RAP1GAP2: variants seen among roughly 807,000 people sequenced by gnomAD.
RAP1GAP2 encodes RAP1 GTPase activating protein 2.
RAP1GAP2 carries 27 observed loss-of-function variants against 95.0 expected under a neutral mutation model. The ratio of observed to expected loss-of-function variants is 0.28; its 90% CI spans 0.21 to 0.39. The LOEUF (loss-of-function observed/expected upper bound fraction) is 0.39, where lower values mean the gene tolerates loss of function less well. Among genes scored for constraint, RAP1GAP2 ranks in the 10% least tolerant of loss-of-function variants. The pLI is 1.00. For synonymous variants in RAP1GAP2, 373 were observed against 380.9 expected, an observed-to-expected ratio of 0.98 and a Z score of 0.24; for missense variants, 771 against 970.0, an observed-to-expected ratio of 0.79 and a Z score of 2.72.
intron 3 of RAP1GAP2, among the ~76,000 whole-genome samples, chr17:2,938,702 T>A (rs1045337753): frequency 6.6e-6 from 1 of 152,112 alleles, no homozygotes; most frequent in Non-Finnish European, 1.5e-5. Flanking sequence ...AAAATAAATA[T>A]CTGGCTGGGT....
chr17:2,891,443 T>G (rs2073712296), intron 2 of RAP1GAP2, among the ~76,000 whole-genome samples: 1 of 152,010 alleles, frequency 6.6e-6, no homozygotes, highest in South Asian at 2.1e-4. Flanking sequence ...ACCTGGCCTA[T>G]TTTTCTACTT....
chr17:2,889,889 A>ATATATATATATTTTTTTTT (rs1408426152), intron 2 of RAP1GAP2, among the ~76,000 whole-genome samples: 1 of 57,324 alleles, frequency 1.7e-5, no homozygotes, highest in African/African-American at 7.2e-5. Context: ...ATATATATAT[A>ATATATATATATTTTTTTTT]TTTTTTTTTT....
rs556614009 is a variant in RAP1GAP2, at chr17:2,790,921, C to T, written c.-13-9594C>T. On this transcript the variant is annotated intron_variant, in intron 1 of 24. Coordinates refer to the RAP1GAP2 transcript ENST00000540393. ...GCCTCAAAAGCCCGTAGAGGCCGGG[C>T]GCTGCGAGCGCCGTGGCTCACGCCT... Among the ~76,000 whole-genome samples, 7 of 152,312 alleles carry T rather than the reference C, an allele frequency of 4.6e-5. No individual in the cohort carries two copies. In the South Asian group the frequency reaches 6.2e-4, roughly 14 times the overall value.
chr17:2,838,564 A>G (rs1250893811), intron 2 of RAP1GAP2, among the ~76,000 whole-genome samples: 1 of 152,164 alleles, frequency 6.6e-6, no homozygotes, highest in Non-Finnish European at 1.5e-5. Flanking sequence ...ATTCTTCCAC[A>G]GATGAACATA....
chr17:2,800,217 C>G, intron 1 of RAP1GAP2: 1 of 985,372 alleles, frequency 1.0e-6, no homozygotes, highest in Non-Finnish European at 1.2e-6. Flanking sequence ...CTGGACCTGA[C>G]GTGAGATACC....
intron 3 of RAP1GAP2, among the ~76,000 whole-genome samples, chr17:2,957,004 T>C (rs2044135221): frequency 1.3e-5 from 2 of 151,848 alleles, no homozygotes; most frequent in African/African-American, 4.8e-5. Context: ...GGCGGGCGCC[T>C]GTAGTTCCAG....
At chr17:2,841,955 C>G (rs1345126078) in intron 2 of RAP1GAP2, among the ~76,000 whole-genome samples, 3 of 152,216 alleles carry the variant, frequency 2.0e-5, no homozygotes, top group Non-Finnish European at 4.4e-5. Context: ...GTCAGGCAGG[C>G]TGTGGCAGCT....
At chr17:2,861,703 G>A (rs189224996) in intron 2 of RAP1GAP2, among the ~76,000 whole-genome samples, 330 of 151,972 alleles carry the variant, frequency 2.2e-3, no homozygotes, top group African/African-American at 7.3e-3. Context: ...GCAGTGGCGC[G>A]ATCACAGCTC....
chr17:2,898,727 T>C (rs1034177596), intron 2 of RAP1GAP2, among the ~76,000 whole-genome samples: 1 of 152,186 alleles, frequency 6.6e-6, no homozygotes, highest in Admixed American at 6.5e-5. Context: ...CCGTGCCCAT[T>C]CTTCCCGTTG....
chr17:2,954,527 G>T (rs186393877), intron 3 of RAP1GAP2, among the ~76,000 whole-genome samples: 1 of 152,226 alleles, frequency 6.6e-6, no homozygotes, highest in Admixed American at 6.5e-5. Context: ...ACCTCCTCCT[G>T]TAGTGAGGGA....
intron 12 of RAP1GAP2, among the ~76,000 whole-genome samples, chr17:2,993,199 T>C (rs1437105197): frequency 7.5e-6 from 1 of 132,562 alleles, no homozygotes; most frequent in Non-Finnish European, 1.6e-5. Context: ...TTCAGCCTGG[T>C]CAATAGAGGG....
intron 2 of RAP1GAP2, among the ~76,000 whole-genome samples, chr17:2,829,860 C>T (rs1385746361): frequency 6.7e-6 from 1 of 150,136 alleles, no homozygotes; most frequent in African/African-American, 2.5e-5. Flanking sequence ...CTATGTTGCC[C>T]AGGCTAGTCT....
rs760466260 is a variant in RAP1GAP2 at position 3,025,991 on chromosome 17, C to T, written c.1752-17C>T. ...GGGCTGTCTCCGCGGCCTCACTCCT[C>T]ATTTCCATTCCCTCAGTGACAGCAC... On this transcript the variant is annotated splice_polypyrimidine_tract_variant and intron_variant, in intron 19 of 24. Coordinates refer to ENST00000254695, the MANE Select transcript of RAP1GAP2 (RefSeq NM_015085.5). 1 of 1,584,678 alleles carries T rather than the reference C, an allele frequency of 6.3e-7. No individual in the cohort carries two copies. The highest frequency in any genetic ancestry group is 1.1e-5 in the South Asian group (1 of 90,244).
At chr17:2,793,128 T>C (rs2151466794), upstream of RAP1GAP2, among the ~76,000 whole-genome samples, 1 of 152,198 alleles carries the variant, frequency 6.6e-6, no homozygotes, top group South Asian at 2.1e-4. Context: ...CTAACTGATT[T>C]TTTAAAAAAG....
At chr17:2,886,071 C>T (rs1007249775) in intron 2 of RAP1GAP2, among the ~76,000 whole-genome samples, 6 of 152,054 alleles carry the variant, frequency 3.9e-5, no homozygotes, top group African/African-American at 1.4e-4. Context: ...GCCTTCCCCA[C>T]ACCCCGTCCA....
At position 2,857,677 on chromosome 17, in the gene RAP1GAP2, G is replaced by A. The variant is rs898869965; in HGVS notation, c.81-47607G>A. Among the ~76,000 whole-genome samples, 2 of 152,194 alleles carry A rather than the reference G, an allele frequency of 1.3e-5. No individual in the cohort carries two copies. The highest frequency in any genetic ancestry group is 4.8e-5 in the African/African-American group (2 of 41,442). The stretch of plus-strand genomic sequence containing the variant: ...GGATGAAGCCTTCCTCAGAGACTGC[G>A]GTTTGGAAACCACTTTGATTTTCAG... On this transcript the variant is annotated intron_variant, in intron 2 of 24. Transcript: ENST00000254695. The surrounding 1 kb of genome is among the most constrained non-coding windows in gnomAD (Gnocchi z 4.0).
At chr17:2,880,429 TCA>T (rs1275939635) in intron 2 of RAP1GAP2, among the ~76,000 whole-genome samples, 1 of 150,816 alleles carries the variant, frequency 6.6e-6, no homozygotes, top group African/African-American at 2.4e-5. Context: ...ATAATCCACC[TCA>T]CATTTATTTT....
At position 2,981,177 on chromosome 17, in the gene RAP1GAP2, CTT is replaced by C; in HGVS notation, c.676-17_676-16del. The C allele has an allele frequency of 6.3e-7, 1 of 1,583,584 alleles. No individual in the cohort carries two copies. The highest frequency in any genetic ancestry group is 8.7e-7 in the Non-Finnish European group (1 of 1,155,886). On this transcript the variant is annotated splice_polypyrimidine_tract_variant and intron_variant, in intron 9 of 24. Transcript: ENST00000254695. ...TACAGATATCATCCCTGACCTGCGT[CTT>C]CTTCTCCCTTCTCAGGCTTTCTGTG...
chr17:2,973,414 G>T (rs1194796803), intron 8 of RAP1GAP2, among the ~76,000 whole-genome samples: 1 of 152,174 alleles, frequency 6.6e-6, no homozygotes, highest in Non-Finnish European at 1.5e-5. Flanking sequence ...TACACAGGAG[G>T]CTGAGGCAGG....
Sources: gnomAD v4.1 joint callset for allele counts (sites outside exome capture counted in the v4.1 genomes callset) on GRCh38, gnomAD v4.1.1 for gene constraint, Gnocchi (gnomAD v3.1) non-coding constraint, MANE v1.5 for transcripts, NCBI Gene and HGNC (gene_info 2026-07-23, HGNC 2026-07-21) for gene names.